Variants in CXCL13 observed in about 807,000 individuals in gnomAD.
CXCL13 encodes C-X-C motif chemokine 13.
Under a neutral mutation model 12.2 loss-of-function variants are expected in CXCL13, and 7 were observed. The ratio of observed to expected loss-of-function variants is 0.57; its 90% CI spans 0.33 to 1.07. CXCL13 has a LOEUF of 1.07. CXCL13 is among the 50% of genes least tolerant of loss of function. The probability of loss-of-function intolerance (pLI) is 0.04; values close to 1 mark genes in which losing one functional copy is unlikely to be tolerated. For synonymous variants in CXCL13, 47 were observed against 42.4 expected (o/e 1.11, Z -0.42); for missense variants, 113 against 127.4 (o/e 0.89, Z 0.55).
At chr4:77,541,428 A>G (rs1725204427) in intron 1 of CXCL13, among the ~76,000 whole-genome samples, 2 of 152,120 alleles carry the variant, frequency 1.3e-5, no homozygotes, top group South Asian at 4.1e-4. Context: ...TCTTATGCAT[A>G]TGGCTAGCCA....
In CXCL13 at chr4:77,538,111, C is replaced by A. The variant is rs557319483; in HGVS notation, c.-43+26323C>A. On this transcript the variant is annotated intron_variant, in intron 1 of 4. Coordinates refer to the CXCL13 transcript ENST00000286758. The stretch of plus-strand genomic sequence containing the variant: ...GTGGAATTGATGGAACACCTTGAAC[C>A]CACTGTGCCTAAAACCAAGATACCT... 2.3e-4 allele frequency among the ~76,000 whole-genome samples: 35 copies of A among 152,240 alleles called. No individual in the cohort carries two copies. The South Asian group carries it at 3.1e-3, about 14-fold the overall frequency.
At chr4:77,590,594 T>C (rs1726580237) in intron 1 of CXCL13, among the ~76,000 whole-genome samples, 2 of 152,238 alleles carry the variant, frequency 1.3e-5, no homozygotes, top group Admixed American at 6.5e-5. Flanking sequence ...TGGCCATTCC[T>C]TCTTTTTCTG....
intron 1 of CXCL13, among the ~76,000 whole-genome samples, chr4:77,529,770 C>T (rs1390235651): frequency 1.3e-5 from 2 of 152,092 alleles, no homozygotes; most frequent in East Asian, 1.9e-4. Flanking sequence ...CCTTTATTTC[C>T]TTCTCCTGCC....
At chr4:77,529,836 G>T (rs1038655981) in intron 1 of CXCL13, among the ~76,000 whole-genome samples, 1 of 152,124 alleles carries the variant, frequency 6.6e-6, no homozygotes, top group Non-Finnish European at 1.5e-5. Flanking sequence ...GTGAGAGAGG[G>T]CATCCCTGTC....
intron 1 of CXCL13, among the ~76,000 whole-genome samples, chr4:77,580,732 C>G (rs1418790071): frequency 8.8e-6 from 1 of 113,844 alleles, no homozygotes. Context: ...TCCCCTCCCC[C>G]TCTCCTCCCC....
chr4:77,600,576 C>T (rs62304089), intron 1 of CXCL13, among the ~76,000 whole-genome samples: 11,008 of 152,172 alleles, frequency 0.072, 514 homozygotes, highest in Middle Eastern at 0.16. Context: ...TACATTATAG[C>T]GTCAGTAGAG....
In CXCL13 at chr4:77,611,226, T is replaced by C; in HGVS notation, c.*187T>C. The C allele has an allele frequency of 1.9e-6, 1 of 518,692 alleles. No homozygotes were observed. The highest frequency in any genetic ancestry group is 2.9e-5 in the East Asian group (1 of 34,378). 32.1% of individuals were successfully genotyped at this position (518,692 alleles called of 1,614,324 possible). ...AAGCTTCTTCACTCACAGCACCCTA[T>C]ATACACTTGGAGTTTGCATTCTTAT... On this transcript the variant is annotated 3_prime_UTR_variant, in exon 4 of 4. Transcript: ENST00000682537.
intron 1 of CXCL13, among the ~76,000 whole-genome samples, chr4:77,545,001 G>A (rs355669): frequency 0.14 from 21,236 of 152,102 alleles, 1,985 homozygotes; most frequent in Non-Finnish European, 0.21. Flanking sequence ...TATTAAATAG[G>A]GAATCCTTTC....
intron 1 of CXCL13, among the ~76,000 whole-genome samples, chr4:77,537,988 A>C (rs1032322723): frequency 2.6e-5 from 4 of 152,190 alleles, no homozygotes; most frequent in African/African-American, 9.7e-5. Context: ...GCCCAAAGTT[A>C]GAGCCATCTC....
intron 1 of CXCL13, among the ~76,000 whole-genome samples, chr4:77,519,416 C>T (rs904702226): frequency 3.3e-5 from 5 of 152,116 alleles, no homozygotes; most frequent in African/African-American, 1.2e-4. Context: ...TTGGCTCCTC[C>T]CCCATGAGAT....
At chr4:77,535,160 A>T (rs192786758) in intron 1 of CXCL13, among the ~76,000 whole-genome samples, 11 of 152,328 alleles carry the variant, frequency 7.2e-5, no homozygotes, top group Non-Finnish European at 1.2e-4. Context: ...AGTTTCTTAA[A>T]AATATTCAGA....
upstream of CXCL13, among the ~76,000 whole-genome samples, chr4:77,603,958 C>A (rs1578073659): frequency 6.6e-6 from 1 of 152,264 alleles, no homozygotes; most frequent in East Asian, 1.9e-4. Flanking sequence ...AATTAAGTGA[C>A]CTGTCCAAAG....
chr4:77,541,063 G>T (rs1252831771), intron 1 of CXCL13, among the ~76,000 whole-genome samples: 1 of 152,134 alleles, frequency 6.6e-6, no homozygotes, highest in African/African-American at 2.4e-5. Flanking sequence ...CTTTTGAGAA[G>T]TGTCTGTTCG....
At chr4:77,566,958 G>A (rs1725937228) in intron 1 of CXCL13, among the ~76,000 whole-genome samples, 1 of 152,170 alleles carries the variant, frequency 6.6e-6, no homozygotes, top group Non-Finnish European at 1.5e-5. Context: ...ATGGCCTGAA[G>A]CAACTGAAGA....
intron 1 of CXCL13, among the ~76,000 whole-genome samples, chr4:77,516,848 A>T (rs1299852335): frequency 6.6e-6 from 1 of 152,040 alleles, no homozygotes; most frequent in African/African-American, 2.4e-5. Context: ...ACCTTCTGCT[A>T]GCTTTTGAAT....
intron 1 of CXCL13, among the ~76,000 whole-genome samples, chr4:77,523,264 A>G (rs1216597969): frequency 2.0e-5 from 3 of 152,176 alleles, no homozygotes; most frequent in East Asian, 3.8e-4. Flanking sequence ...CTGCCTTGCT[A>G]TGTTGGGGAA....
At chr4:77,516,983 T>C (rs1225745553) in intron 1 of CXCL13, among the ~76,000 whole-genome samples, 2 of 152,200 alleles carry the variant, frequency 1.3e-5, no homozygotes, top group South Asian at 2.1e-4. Flanking sequence ...TTTGAATGTG[T>C]CCCAGAGATT....
chr4:77,518,483 T>C (rs368470239), intron 1 of CXCL13, among the ~76,000 whole-genome samples: 1 of 152,196 alleles, frequency 6.6e-6, no homozygotes, highest in African/African-American at 2.4e-5. Flanking sequence ...TCTTGGAGGC[T>C]TTGTTCATTT....
chr4:77,577,848 A>G (rs754030200), intron 1 of CXCL13, among the ~76,000 whole-genome samples: 10 of 152,094 alleles, frequency 6.6e-5, no homozygotes, highest in Non-Finnish European at 1.2e-4. Context: ...GTAGCTATTC[A>G]CCTTCAGACT....
Sources: gnomAD v4.1 joint callset for allele counts (sites outside exome capture counted in the v4.1 genomes callset) on GRCh38, gnomAD v4.1.1 for gene constraint, MANE v1.5 for transcripts, NCBI Gene and HGNC (gene_info 2026-07-23, HGNC 2026-07-21) for gene names.